NUP98: variants seen among roughly 807,000 people sequenced by gnomAD.
NUP98 encodes the protein nuclear pore complex protein Nup98-Nup96.
In NUP98, 26 loss-of-function variants were observed where a neutral mutation model predicts 191.9. The ratio of observed to expected loss-of-function variants is 0.14; its 90% CI spans 0.10 to 0.19. The LOEUF (loss-of-function observed/expected upper bound fraction) is 0.19, where lower values mean the gene tolerates loss of function less well. Among genes scored for constraint, NUP98 ranks in the 10% least tolerant of loss-of-function variants. The probability of loss-of-function intolerance (pLI) is 1.00; values close to 1 mark genes in which losing one functional copy is unlikely to be tolerated. For missense variants in NUP98, 1,941 were observed against 2,178.8 expected (o/e 0.89, Z 2.17); for synonymous variants, 808 against 778.4 (o/e 1.04, Z -0.63).
At chr11:3,734,730 T>C (rs1797888050) in intron 13 of NUP98, among the ~76,000 whole-genome samples, 1 of 152,158 alleles carries the variant, frequency 6.6e-6, no homozygotes. Flanking sequence ...CATTATGATT[T>C]GAGGAAAGTC....
At chr11:3,712,456 C>G in intron 20 of NUP98, 108 bp downstream of exon 20, 1 of 1,528,312 alleles carries the variant, frequency 6.5e-7, no homozygotes, top group Non-Finnish European at 8.8e-7. Flanking sequence ...AATGTTTGTA[C>G]TCTTCAAAGT....
chr11:3,679,452 G>T, intron 31 of NUP98, 102 bp downstream of exon 31: 1 of 1,302,928 alleles, frequency 7.7e-7, no homozygotes, highest in Non-Finnish European at 1.1e-6. Flanking sequence ...TGCTATCTCT[G>T]TCAGTGCATT....
intron 13 of NUP98, among the ~76,000 whole-genome samples, chr11:3,732,249 A>C (rs796490293): frequency 6.6e-5 from 10 of 152,278 alleles, no homozygotes; most frequent in African/African-American, 2.4e-4. Flanking sequence ...CTCTTTCCCC[A>C]AAAAAATCCA....
In NUP98 at chr11:3,686,166, G is replaced by C; in HGVS notation, c.4483C>G (p.Pro1495Ala). The C allele has an allele frequency of 6.2e-7, 1 of 1,614,232 alleles. No homozygotes were observed. The highest frequency in any genetic ancestry group is 8.5e-7 in the Non-Finnish European group (1 of 1,180,042). ...RHYDLNQLLE[P>A]RSITADPLDY... Reference sequence around the variant, plus strand: ...AAAGGATCTGCTGTTATGCTTCGAGGCTCCAGCAGCTGGTTGAGATCATAA... The same window carrying C: ...AAAGGATCTGCTGTTATGCTTCGAGCCTCCAGCAGCTGGTTGAGATCATAA... Residue 1495 changes from proline (P) to alanine (A), a missense_variant, in exon 29 of 33, where the codon CCT (proline) becomes GCT (alanine). Physicochemically the swap from Pro to Ala is conservative, Grantham distance 27. Transcript: ENST00000324932.
chr11:3,787,441 G>GCT (rs2082180577), intron 1 of NUP98, among the ~76,000 whole-genome samples: 1 of 152,132 alleles, frequency 6.6e-6, no homozygotes, highest in African/African-American at 2.4e-5. Context: ...ACATTAGCCA[G>GCT]AAGCGGTGGC....
At chr11:3,698,920 T>C (rs1160322559) in intron 25 of NUP98, 162 bp downstream of exon 25, 2 of 751,890 alleles carry the variant, frequency 2.7e-6, no homozygotes, top group Non-Finnish European at 4.4e-6. Flanking sequence ...AATTTTATGT[T>C]ATATTACATA....
chr11:3,746,057 G>T lies in NUP98; in HGVS notation c.1268-1408C>A, dbSNP rs549235161. On this transcript the variant is annotated intron_variant, in intron 11 of 32. Transcript: ENST00000324932. ...GGTCGAGGCGGGTGGATCACCTAAA[G>T]TTAGGAGTTCAAGACCAGCCTGACC... is the stretch of plus-strand genomic sequence containing the variant. Among the ~76,000 whole-genome samples, 3 of 152,046 alleles carry T rather than the reference G, an allele frequency of 2.0e-5. No homozygotes were observed. In the South Asian group the frequency reaches 6.2e-4, roughly 32 times the overall value.
At chr11:3,700,891 A>G (rs1013280106) in intron 23 of NUP98, 52 bp from the exon 24 acceptor site, 37 of 1,276,610 alleles carry the variant, frequency 2.9e-5, no homozygotes, top group Non-Finnish European at 3.9e-5. Flanking sequence ...GACAGAAGCT[A>G]GGATTTTTAC....
At chr11:3,694,831 C>A (rs1589973530) in intron 26 of NUP98, among the ~76,000 whole-genome samples, 1 of 151,912 alleles carries the variant, frequency 6.6e-6, no homozygotes, top group Non-Finnish European at 1.5e-5. Context: ...TGACAGGATC[C>A]CTTTAGGCCA....
At position 3,676,134 on chromosome 11, in the gene NUP98, G is replaced by T; in HGVS notation, c.*25C>A. 1.2e-6 allele frequency: 2 copies of T among 1,605,536 alleles called. No homozygotes were observed. Among genetic ancestry groups the T allele is most frequent in the Non-Finnish European group, 8.5e-7 (1 of 1,173,986 alleles). The stretch of plus-strand genomic sequence containing the variant: ...CTCTGTGTGGTGTGAATGGGCATGT[G>T]ACTGTGATGCAAAGTGCCTGGGGCT... On this transcript the variant is annotated 3_prime_UTR_variant, in exon 33 of 33. Transcript: ENST00000324932.
Position 3,707,653 on chromosome 11 carries a change from A to G in NUP98, c.2743-1026T>C, listed in dbSNP as rs531929379. Among the ~76,000 whole-genome samples the G allele has an allele frequency of 2.7e-3, 403 of 147,652 alleles. 9 individuals carry two copies. Among genetic ancestry groups the G allele is most frequent in the Non-Finnish European group, 3.1e-4 (21 of 67,236 alleles). ...ATTACAGGCACATGCCTATAATCCC[A>G]GCTACTCGGGAGGCAATGGAGGTTG... On this transcript the variant is annotated intron_variant, in intron 20 of 32. Transcript: ENST00000324932.
At chr11:3,775,023 CCAAA>C (rs909402875) in intron 5 of NUP98, among the ~76,000 whole-genome samples, 4 of 152,146 alleles carry the variant, frequency 2.6e-5, no homozygotes, top group African/African-American at 9.7e-5. Context: ...TAAGAATCCC[CCAAA>C]CATTTACATC....
intron 6 of NUP98, among the ~76,000 whole-genome samples, chr11:3,772,432 A>T: frequency 6.6e-6 from 1 of 152,176 alleles, no homozygotes; most frequent in Admixed American, 6.6e-5. Flanking sequence ...CAAAATGTAC[A>T]ACAACCTACT....
intron 1 of NUP98, among the ~76,000 whole-genome samples, chr11:3,793,909 C>T (rs919063831): frequency 6.6e-6 from 1 of 151,978 alleles, no homozygotes; most frequent in African/African-American, 2.4e-5. Flanking sequence ...GCGGAGGTTG[C>T]GGTGAGCCAA....
intron 4 of NUP98, among the ~76,000 whole-genome samples, chr11:3,778,288 T>C (rs2081825643): frequency 6.6e-6 from 1 of 151,876 alleles, no homozygotes; most frequent in African/African-American, 2.4e-5. Context: ...ATGGAATCAC[T>C]TGATAAAGCA....
intron 21 of NUP98, 68 bp from the exon 22 acceptor site, chr11:3,705,424 C>A: frequency 6.6e-7 from 1 of 1,504,746 alleles, no homozygotes; most frequent in Non-Finnish European, 9.1e-7. Flanking sequence ...AAAAAAAATG[C>A]AGTTTACAAC....
chr11:3,728,609 G>T (rs1262843735), intron 14 of NUP98, among the ~76,000 whole-genome samples: 1 of 151,978 alleles, frequency 6.6e-6, no homozygotes, highest in Non-Finnish European at 1.5e-5. Flanking sequence ...CGTGGTGGTG[G>T]GCGCCTGTAG....
chr11:3,781,185 CA>C (rs34704470), intron 2 of NUP98, among the ~76,000 whole-genome samples: 1,532 of 68,988 alleles, frequency 0.022, 8 homozygotes, highest in Admixed American at 0.024. Flanking sequence ...GATCCTATCT[CA>C]AAAAAAAAAA....
At position 3,719,399 on chromosome 11, in the gene NUP98, C is replaced by T. The variant is rs1417679871; in HGVS notation, c.2399+13G>A. 1 of 1,573,998 alleles carries T rather than the reference C, an allele frequency of 6.4e-7. No individual in the cohort carries two copies. Among genetic ancestry groups the T allele is most frequent in the Non-Finnish European group, 8.6e-7 (1 of 1,167,872 alleles). ...TTTAGCTGATAATTTTCTGTATGTA[C>T]ATAAACTCTTACCTATTTAGCCCTT... On this transcript the variant is annotated intron_variant, in intron 18 of 32. Coordinates refer to ENST00000324932, the MANE Select transcript of NUP98 (RefSeq NM_016320.5).
Sources: allele counts gnomAD v4.1 joint callset (sites outside exome capture counted in the v4.1 genomes callset), GRCh38; gene constraint gnomAD v4.1.1; transcripts MANE v1.5; gene names NCBI Gene and HGNC (gene_info 2026-07-23, HGNC 2026-07-21).